Variants in TEX13C observed in about 807,000 individuals in gnomAD.
TEX13C encodes testis-expressed protein 13C.
For missense variants in TEX13C, 480 were observed against 298.7 expected, an observed-to-expected ratio of 1.61 and a Z score of -4.47; for synonymous variants, 219 against 116.6, an observed-to-expected ratio of 1.88 and a Z score of -5.65.
exon 1 of TEX13C, chrX:125,323,312 A>T: frequency 3.1e-6 from 1 of 318,348 alleles, no homozygotes; most frequent in Non-Finnish European, 5.4e-6. Flanking sequence ...ACAAATACGT[A>T]TGTATTTATT....
exon 1 of TEX13C, chrX:125,320,241 G>T: frequency 3.9e-6 from 2 of 516,004 alleles, no homozygotes; most frequent in Non-Finnish European, 7.0e-6. Flanking sequence ...TTCCGCTCGC[G>T]GCCGTGGAAC....
upstream of TEX13C, chrX:125,320,117 G>T (rs946148060): frequency 2.6e-5 from 12 of 470,069 alleles, no homozygotes; most frequent in Non-Finnish European, 4.5e-5. Context: ...GGCCGCAGCC[G>T]CCATGGCGAT....
exon 1 of TEX13C, chrX:125,322,612 C>A (rs1258774261): frequency 2.0e-6 from 1 of 512,120 alleles, no homozygotes; most frequent in Admixed American, 2.7e-5. Context: ...CCCTGGGGGA[C>A]AGCAACAGCC....
At chrX:125,323,309 C>CG (rs1003153133) in exon 1 of TEX13C, 14 of 321,603 alleles carry the variant, frequency 4.4e-5, no homozygotes, top group African/African-American at 3.2e-4. Flanking sequence ...CACACAAATA[C>CG]GTATGTATTT....
chrX:125,321,146 A>C, exon 1 of TEX13C: 1 of 514,529 alleles, frequency 1.9e-6, no homozygotes, highest in Non-Finnish European at 3.5e-6. Flanking sequence ...AGATCCAGTG[A>C]TGCAAGAGGG....
chrX:125,324,858 A>G (rs1302903575), exon 1 of TEX13C: 1 of 112,307 alleles, frequency 8.9e-6, no homozygotes, highest in Non-Finnish European at 1.9e-5. Flanking sequence ...TCAGCAGTGG[A>G]TGAAGAACAA....
At chrX:125,320,503 G>T (rs1333156785) in exon 1 of TEX13C, 3 of 514,954 alleles carry the variant, frequency 5.8e-6, no homozygotes, top group Non-Finnish European at 1.0e-5. Flanking sequence ...TGCACCTCAC[G>T]CAGGCCGCCC....
At chrX:125,323,154 A>G (rs1361529317) in exon 1 of TEX13C, 18 of 439,951 alleles carry the variant, frequency 4.1e-5, no homozygotes, top group Non-Finnish European at 5.1e-5. Context: ...AAGAGAAACC[A>G]ATTTCCCAGG....
exon 1 of TEX13C, chrX:125,321,332 G>C (rs1204545511): frequency 1.9e-6 from 1 of 514,812 alleles, no homozygotes; most frequent in Non-Finnish European, 3.5e-6. Context: ...GAAAAATCCA[G>C]TTGTGCACAA....
exon 1 of TEX13C, chrX:125,320,381 T>C (rs1171788647): frequency 1.9e-6 from 1 of 515,045 alleles, no homozygotes; most frequent in Admixed American, 2.6e-5. Context: ...GGAGCTGCTG[T>C]ACCAGGTTTG....
exon 1 of TEX13C, chrX:125,323,206 A>ATAGTT: frequency 2.4e-6 from 1 of 425,284 alleles, no homozygotes. Flanking sequence ...CTTAACAGAA[A>ATAGTT]ATTTGAAACC....
exon 1 of TEX13C, chrX:125,323,279 T>TA (rs1365988885): frequency 1.5e-5 from 6 of 399,536 alleles, no homozygotes; most frequent in African/African-American, 2.5e-5. Context: ...AAGTACTTTT[T>TA]ATCATTGTGA....
chrX:125,320,510 G>A (rs1442797875), exon 1 of TEX13C: 4 of 515,012 alleles, frequency 7.8e-6, no homozygotes, highest in Non-Finnish European at 1.4e-5. Context: ...CACGCAGGCC[G>A]CCCTGCAGCA....
chrX:125,321,809 A>AACAGCC (rs1342373599), exon 1 of TEX13C: 41 of 510,001 alleles, frequency 8.0e-5, no homozygotes, highest in African/African-American at 7.8e-4. Flanking sequence ...GGAGGACAGC[A>AACAGCC]ACAGCCACAG....
chrX:125,323,093 C>T, exon 1 of TEX13C: 1 of 493,524 alleles, frequency 2.0e-6, no homozygotes, highest in East Asian at 3.6e-5. Context: ...CAGCGTTGAC[C>T]CAGCGTAAAC....
exon 1 of TEX13C, chrX:125,320,236 C>G: frequency 1.9e-6 from 1 of 516,010 alleles, no homozygotes; most frequent in Non-Finnish European, 3.5e-6. Flanking sequence ...CGGCCTTCCG[C>G]TCGCGGCCGT....
chrX:125,322,152 C>A, exon 1 of TEX13C: 2 of 493,420 alleles, frequency 4.1e-6, no homozygotes, highest in Non-Finnish European at 7.1e-6. Context: ...CCAGTGGTGC[C>A]CCAGGGCACA....
At chrX:125,320,924 A>T (rs898161235) in exon 1 of TEX13C, 5 of 514,006 alleles carry the variant, frequency 9.7e-6, no homozygotes, top group Non-Finnish European at 1.7e-5. Flanking sequence ...TCCTGCAGGG[A>T]TCTATCCACC....
At chrX:125,320,124 C>T (rs1461127932) in exon 1 of TEX13C, 17 of 474,218 alleles carry the variant, frequency 3.6e-5, no homozygotes, top group Admixed American at 6.2e-5. Flanking sequence ...GCCGCCATGG[C>T]GATGAACTTT....
Sources: allele counts gnomAD v4.1 joint callset, GRCh38; gene constraint gnomAD v4.1.1; transcripts MANE v1.5; gene names NCBI Gene and HGNC (gene_info 2026-07-23, HGNC 2026-07-21).